RMST: variants seen among roughly 807,000 people sequenced by gnomAD.
RMST encodes long intergenic non-protein coding RNA 54.
intron 5 of RMST, among the ~76,000 whole-genome samples, chr12:97,485,981 A>G (rs1282509313): frequency 6.6e-6 from 1 of 152,244 alleles, no homozygotes; most frequent in Non-Finnish European, 1.5e-5. Flanking sequence ...TGTTTCCCAT[A>G]ATACATTGCA....
intron 11 of RMST, among the ~76,000 whole-genome samples, chr12:97,549,174 A>G (rs1332107523): frequency 6.6e-6 from 1 of 152,192 alleles, no homozygotes; most frequent in Admixed American, 6.5e-5. Context: ...AGAAGTTGAA[A>G]TCTCCTTAAG....
At chr12:97,527,537 A>C (rs990746184) in intron 10 of RMST, among the ~76,000 whole-genome samples, 42 of 152,194 alleles carry the variant, frequency 2.8e-4, no homozygotes, top group Non-Finnish European at 1.0e-4. Context: ...TGCTAAGAAA[A>C]GTAAGAGTGC....
intron 11 of RMST, among the ~76,000 whole-genome samples, chr12:97,532,187 A>G (rs994800271): frequency 6.6e-6 from 1 of 151,892 alleles, no homozygotes; most frequent in African/African-American, 2.4e-5. Flanking sequence ...TATTCTGGAC[A>G]CCATGTTTAC....
At chr12:97,493,256 C>T (rs1183501372) in exon 7 of RMST, 4 of 152,532 alleles carry the variant, frequency 2.6e-5, no homozygotes, top group South Asian at 2.1e-4. Flanking sequence ...CATAGAACCA[C>T]GGAGACTTGG....
At chr12:97,468,199 A>G (rs913368671) in intron 5 of RMST, among the ~76,000 whole-genome samples, 13 of 152,048 alleles carry the variant, frequency 8.5e-5, no homozygotes, top group African/African-American at 3.1e-4. Flanking sequence ...TCAGTTGGAT[A>G]GCTGTTGTTT....
At chr12:97,558,849 G>A (rs1883899223) in intron 11 of RMST, among the ~76,000 whole-genome samples, 1 of 152,112 alleles carries the variant, frequency 6.6e-6, no homozygotes, top group Admixed American at 6.6e-5. Context: ...GCAACCTGAT[G>A]GGGCCTCATT....
chr12:97,473,560 T>C (rs888806242), intron 5 of RMST, among the ~76,000 whole-genome samples: 51 of 152,168 alleles, frequency 3.4e-4, no homozygotes, highest in African/African-American at 1.1e-3. Flanking sequence ...GCTAACACAT[T>C]CTATGTGATG....
intron 6 of RMST, chr12:97,493,054 C>A (rs1195659268): frequency 1.3e-5 from 2 of 152,306 alleles, no homozygotes; most frequent in Non-Finnish European, 2.9e-5. Flanking sequence ...CAGAAAAAAT[C>A]AAGCAAAGTT....
intron 5 of RMST, among the ~76,000 whole-genome samples, chr12:97,491,110 T>G (rs1381598174): frequency 6.6e-6 from 1 of 152,216 alleles, no homozygotes. Context: ...TCTGCTTTCT[T>G]CGATGAATCG....
At chr12:97,560,944 A>G (rs1238422238) in exon 13 of RMST, 1 of 152,326 alleles carries the variant, frequency 6.6e-6, no homozygotes, top group East Asian at 1.9e-4. Flanking sequence ...AATCATGAGA[A>G]AGAAATTACC....
At chr12:97,473,528 C>T (rs1375603654) in intron 5 of RMST, among the ~76,000 whole-genome samples, 2 of 152,072 alleles carry the variant, frequency 1.3e-5, no homozygotes, top group Admixed American at 6.6e-5. Flanking sequence ...ATGTCAACTT[C>T]CTCACTATCT....
intron 5 of RMST, among the ~76,000 whole-genome samples, chr12:97,489,791 T>C (rs1435851407): frequency 6.6e-6 from 1 of 152,258 alleles, no homozygotes; most frequent in East Asian, 1.9e-4. Context: ...TATCAAATGC[T>C]TGATATGTGT....
chr12:97,470,381 C>T (rs373313821), intron 5 of RMST, among the ~76,000 whole-genome samples: 1 of 151,804 alleles, frequency 6.6e-6, no homozygotes, highest in Non-Finnish European at 1.5e-5. Flanking sequence ...CTGCCTAGCA[C>T]GGTGCCTGGC....
chr12:97,525,785 G>A (rs1313425271), intron 10 of RMST, among the ~76,000 whole-genome samples: 1 of 152,200 alleles, frequency 6.6e-6, no homozygotes, highest in Non-Finnish European at 1.5e-5. Context: ...TAACCTGTTA[G>A]GAACCAGGCT....
intron 8 of RMST, chr12:97,494,023 T>C (rs1877139253): frequency 1.3e-5 from 2 of 152,230 alleles, no homozygotes; most frequent in South Asian, 4.1e-4. Context: ...TATTGTGAAT[T>C]GGCTTCCAGA....
intron 10 of RMST, among the ~76,000 whole-genome samples, chr12:97,515,174 C>A (rs1879802769): frequency 1.3e-5 from 2 of 152,000 alleles, no homozygotes; most frequent in Admixed American, 6.5e-5. Flanking sequence ...ATGATTTATG[C>A]TCTAAAATTT....
rs748233559 is a variant in RMST at position 97,560,377 on chromosome 12, G to A, written n.1546-160G>A. Among the ~76,000 whole-genome samples, 15 of 152,248 alleles carry A rather than the reference G, an allele frequency of 9.9e-5. No individual in the cohort carries two copies. The South Asian group carries it at 1.0e-3, about 11-fold the overall frequency. ...TATCTGTAGCTTAAAAAGCAGCTGCGTTTTTGTAAAAAGCAATGAATGTGG... is the reference window on the plus strand; with the variant it reads ...TATCTGTAGCTTAAAAAGCAGCTGCATTTTTGTAAAAAGCAATGAATGTGG... On this transcript the variant is annotated intron_variant and non_coding_transcript_variant, in intron 11 of 13. Coordinates refer to ENST00000640149, the Ensembl canonical transcript of RMST.
chr12:97,524,024 C>G (rs532661936), intron 10 of RMST, among the ~76,000 whole-genome samples: 1 of 133,356 alleles, frequency 7.5e-6, no homozygotes, highest in Admixed American at 8.9e-5. Flanking sequence ...TGCAGTGAGC[C>G]GAGATCGCGC....
chr12:97,476,325 A>C (rs1874546137), intron 5 of RMST, among the ~76,000 whole-genome samples: 1 of 152,246 alleles, frequency 6.6e-6, no homozygotes, highest in African/African-American at 2.4e-5. Flanking sequence ...CATTTGCAGG[A>C]CACTGATAAC....
Sources: allele counts gnomAD v4.1 joint callset (sites outside exome capture counted in the v4.1 genomes callset), GRCh38; gene constraint gnomAD v4.1.1; transcripts MANE v1.5; gene names NCBI Gene and HGNC (gene_info 2026-07-23, HGNC 2026-07-21).